CLTRN: variants seen among roughly 807,000 people sequenced by gnomAD.
The protein encoded by CLTRN is collectrin, amino acid transport regulator.
Under a neutral mutation model 14.5 loss-of-function variants are expected in CLTRN, and 12 were observed. The observed-to-expected ratio is 0.83, with a 90% CI of 0.53 to 1.34. The LOEUF (loss-of-function observed/expected upper bound fraction) is 1.34. Ranked by LOEUF, CLTRN falls within the 40% of genes most tolerant of loss-of-function variation. The probability of loss-of-function intolerance (pLI) is 0.00; values close to 1 mark genes in which losing one functional copy is unlikely to be tolerated. For synonymous variants in CLTRN, 58 were observed against 56.5 expected (o/e 1.03, Z -0.12); for missense variants, 154 against 165.1 (o/e 0.93, Z 0.37).
At chrX:15,631,552 T>C (rs1928695061) in intron 5 of CLTRN, among the ~76,000 whole-genome samples, 1 of 112,245 alleles carries the variant, frequency 8.9e-6, no homozygotes, top group African/African-American at 3.2e-5. Context: ...AAATGATTCA[T>C]CAGGCATCAC....
chrX:15,632,210 C>G (rs564895304), intron 5 of CLTRN, among the ~76,000 whole-genome samples: 9 of 111,640 alleles, frequency 8.1e-5, no homozygotes, highest in Admixed American at 2.8e-4. Context: ...TGTTGAGGAA[C>G]GGGGTTTGCT....
At position 15,639,627 on chromosome X, in the gene CLTRN, C is replaced by T. The variant is rs1569249817; in HGVS notation, c.447G>A (p.Val149=). 9 of 1,210,390 alleles carry T rather than the reference C, an allele frequency of 7.4e-6. No homozygotes were observed. Among genetic ancestry groups the T allele is most frequent in the Non-Finnish European group, 8.9e-6 (8 of 894,679 alleles). ...SVPIWIIIFG[V]IFCIIIVAIA... ...TTGCAACTATGATGATGCAAAATAT[C>T]ACACCAAATATAATAATCCAGATGG... Residue 149 remains valine (V), a synonymous_variant, in exon 5 of 6, where the codon GTG becomes GTA. Transcript: ENST00000380342.
upstream of CLTRN, among the ~76,000 whole-genome samples, chrX:15,668,647 T>C (rs1431763804): frequency 8.9e-6 from 1 of 111,923 alleles, no homozygotes; most frequent in Non-Finnish European, 1.9e-5. Flanking sequence ...AGCGTTTTTT[T>C]TCCTAGCCTT....
intron 5 of CLTRN, among the ~76,000 whole-genome samples, chrX:15,632,751 G>A (rs1326966248): frequency 3.7e-5 from 4 of 107,218 alleles, no homozygotes. Context: ...GGGTGTGGTG[G>A]CGGGCGCCTG....
At chrX:15,657,028 T>G (rs1009143064) in intron 3 of CLTRN, among the ~76,000 whole-genome samples, 3 of 108,632 alleles carry the variant, frequency 2.8e-5, no homozygotes, top group African/African-American at 1.0e-4. Flanking sequence ...AGACAGAGTC[T>G]CACTCTGTCA....
chrX:15,663,240 C>G (rs1929548666), intron 2 of CLTRN, among the ~76,000 whole-genome samples: 3 of 112,038 alleles, frequency 2.7e-5, no homozygotes, highest in African/African-American at 9.7e-5. Flanking sequence ...AAGGACAAGC[C>G]TTAATCACCA....
chrX:15,630,171 T>C (rs963970531), intron 5 of CLTRN, among the ~76,000 whole-genome samples: 3 of 111,552 alleles, frequency 2.7e-5, no homozygotes, highest in Non-Finnish European at 3.8e-5. Flanking sequence ...ATGAATGTAG[T>C]TCAATTGCTG....
chrX:15,669,142 A>G (rs1280502930), upstream of CLTRN, among the ~76,000 whole-genome samples: 1 of 111,894 alleles, frequency 8.9e-6, no homozygotes, highest in East Asian at 2.8e-4. Context: ...AGATCTCAGT[A>G]AAATAAATGG....
At chrX:15,648,579 G>A (rs1381787471) in intron 3 of CLTRN, among the ~76,000 whole-genome samples, 2 of 111,575 alleles carry the variant, frequency 1.8e-5, no homozygotes, top group Non-Finnish European at 3.8e-5. Context: ...TTGGGAGGCT[G>A]AGGGGGGCAG....
chrX:15,664,793 C>T lies in CLTRN; in HGVS notation c.-18G>A, dbSNP rs1302011701. 2.5e-6 allele frequency: 3 copies of T among 1,194,319 alleles called. No homozygotes were observed. The highest frequency in any genetic ancestry group is 4.4e-5 in the Admixed American group (2 of 45,108). ...CACAACATTCTTTCAGGGTGGAAAA[C>T]ACAAGGCAAAGTGAGAAAAAAAAAA... On this transcript the variant is annotated 5_prime_UTR_variant, in exon 1 of 6. Coordinates refer to ENST00000380342, the MANE Select transcript of CLTRN (RefSeq NM_020665.6).
chrX:15,662,472 C>T (rs1017089801), intron 2 of CLTRN, among the ~76,000 whole-genome samples: 1 of 111,388 alleles, frequency 9.0e-6, no homozygotes, highest in Non-Finnish European at 1.9e-5. Context: ...TAGCTCTGAC[C>T]GGAGTCTGTT....
At chrX:15,671,743 T>C (rs1929719882) in intron 1 of CLTRN, among the ~76,000 whole-genome samples, 1 of 111,339 alleles carries the variant, frequency 9.0e-6, no homozygotes, top group African/African-American at 3.3e-5. Flanking sequence ...TATTTTTCAT[T>C]GGCCATCTTA....
At chrX:15,649,109 G>C (rs1412132127) in intron 3 of CLTRN, among the ~76,000 whole-genome samples, 1 of 111,325 alleles carries the variant, frequency 9.0e-6, no homozygotes, top group African/African-American at 3.3e-5. Flanking sequence ...TGCTAAGGAG[G>C]TGGAGACAAA....
chrX:15,645,757 A>G (rs958631184), intron 3 of CLTRN, among the ~76,000 whole-genome samples: 2 of 112,306 alleles, frequency 1.8e-5, no homozygotes, highest in Non-Finnish European at 3.8e-5. Flanking sequence ...GAGACAATCT[A>G]TACATGGATG....
At chrX:15,666,394 T>C (rs753772514), upstream of CLTRN, among the ~76,000 whole-genome samples, 7 of 111,875 alleles carry the variant, frequency 6.3e-5, no homozygotes, top group Admixed American at 9.5e-5. Context: ...TCTACCATGC[T>C]GCCTCTTCAT....
chrX:15,666,344 A>G (rs1929621116), upstream of CLTRN, among the ~76,000 whole-genome samples: 1 of 111,895 alleles, frequency 8.9e-6, no homozygotes. Flanking sequence ...ACAGATGCCA[A>G]TCAACGCCCC....
intron 3 of CLTRN, among the ~76,000 whole-genome samples, chrX:15,651,710 C>T (rs1398561019): frequency 9.0e-6 from 1 of 111,239 alleles, no homozygotes; most frequent in Non-Finnish European, 1.9e-5. Flanking sequence ...GTGCTGTAAG[C>T]CCCCATATTC....
chrX:15,631,951 C>G (rs1292128387), intron 5 of CLTRN, among the ~76,000 whole-genome samples: 1 of 112,335 alleles, frequency 8.9e-6, no homozygotes, highest in Non-Finnish European at 1.9e-5. Context: ...CTGGATCATT[C>G]TGATTTGATG....
intron 3 of CLTRN, among the ~76,000 whole-genome samples, chrX:15,656,818 G>C (rs1279168589): frequency 1.8e-5 from 2 of 110,064 alleles, no homozygotes; most frequent in Non-Finnish European, 3.8e-5. Flanking sequence ...GTATTACCAG[G>C]ACTCATACTG....
Sources: gnomAD v4.1 joint callset for allele counts (sites outside exome capture counted in the v4.1 genomes callset) on GRCh38, gnomAD v4.1.1 for gene constraint, MANE v1.5 for transcripts, NCBI Gene and HGNC (gene_info 2026-07-23, HGNC 2026-07-21) for gene names.